Variants in PCDH15 observed in about 807,000 individuals in gnomAD.
The protein encoded by PCDH15 is protocadherin related 15.
A neutral mutation model predicts 178.5 loss-of-function variants in PCDH15; 129 were observed. The observed-to-expected ratio is 0.72, with a 90% CI of 0.63 to 0.84. PCDH15 has a LOEUF of 0.84. Ranked by LOEUF, PCDH15 falls within the 40% of genes least tolerant of loss-of-function variation. The pLI is 0.00. For missense variants in PCDH15, 2,230 were observed against 2,099.9 expected (o/e 1.06, Z -1.21); for synonymous variants, 800 against 732.0 (o/e 1.09, Z -1.50).
At chr10:55,331,539 T>C (rs1341451513) in intron 2 of PCDH15, among the ~76,000 whole-genome samples, 1 of 152,044 alleles carries the variant, frequency 6.6e-6, no homozygotes, top group Non-Finnish European at 1.5e-5. Context: ...TTGAGATTCC[T>C]GAGAGTTTAA....
At chr10:54,838,880 T>C (rs566122051) in intron 3 of PCDH15, among the ~76,000 whole-genome samples, 7 of 152,202 alleles carry the variant, frequency 4.6e-5, no homozygotes, top group South Asian at 2.1e-4. Context: ...GGAAACCTCA[T>C]AGGGACCAGA....
chr10:54,732,357 G>A (rs573803487), intron 1 of PCDH15, among the ~76,000 whole-genome samples: 13 of 151,038 alleles, frequency 8.6e-5, no homozygotes, highest in Non-Finnish European at 1.5e-4. Context: ...TATGAAAGAC[G>A]GGACATCACT....
chr10:55,104,797 T>C (rs1419690858), intron 2 of PCDH15, among the ~76,000 whole-genome samples: 1 of 152,222 alleles, frequency 6.6e-6, no homozygotes, highest in East Asian at 1.9e-4. Context: ...TAGCACTTTG[T>C]ATGGGTCCCA....
At chr10:55,169,936 T>C (rs1276201952) in intron 1 of PCDH15, among the ~76,000 whole-genome samples, 3 of 152,032 alleles carry the variant, frequency 2.0e-5, no homozygotes, top group African/African-American at 7.2e-5. Context: ...GACATAAAAT[T>C]CTATGAGTCA....
intron 2 of PCDH15, among the ~76,000 whole-genome samples, chr10:55,443,737 G>T (rs6481160): frequency 9.9e-5 from 15 of 152,090 alleles, no homozygotes; most frequent in African/African-American, 2.4e-4. Context: ...GATTCCTCAA[G>T]GATCTAGAAC....
chr10:54,626,146 T>A (rs1376887292), intron 2 of PCDH15, among the ~76,000 whole-genome samples: 1 of 152,110 alleles, frequency 6.6e-6, no homozygotes, highest in Non-Finnish European at 1.5e-5. Context: ...AAGAGGTGAT[T>A]TGGGTGCTGT....
At chr10:54,428,751 T>G (rs1286685759) in intron 3 of PCDH15, among the ~76,000 whole-genome samples, 1 of 152,210 alleles carries the variant, frequency 6.6e-6, no homozygotes. Flanking sequence ...GCAGCAGATT[T>G]TCAGTGGAAA....
At chr10:55,523,637 T>C (rs924910402) in intron 2 of PCDH15, among the ~76,000 whole-genome samples, 4 of 151,776 alleles carry the variant, frequency 2.6e-5, no homozygotes, top group Middle Eastern at 3.4e-3. Context: ...GAACAACTTG[T>C]TTCCTTTTTT....
At chr10:55,477,404 G>T (rs1049875727) in intron 2 of PCDH15, among the ~76,000 whole-genome samples, 18 of 151,838 alleles carry the variant, frequency 1.2e-4, no homozygotes, top group African/African-American at 4.1e-4. Context: ...TAAGGACAAG[G>T]ATTTGTGAAT....
intron 8 of PCDH15, among the ~76,000 whole-genome samples, chr10:54,265,329 T>C (rs2132374352): frequency 6.6e-6 from 1 of 152,128 alleles, no homozygotes; most frequent in Middle Eastern, 3.4e-3. Flanking sequence ...CCACAGACTC[T>C]ATACCACAGA....
At chr10:53,993,823 T>C (rs1385996583) in intron 21 of PCDH15, among the ~76,000 whole-genome samples, 1 of 152,158 alleles carries the variant, frequency 6.6e-6, no homozygotes, top group Non-Finnish European at 1.5e-5. Flanking sequence ...TATCAAAAGA[T>C]TGTTGGTGTT....
intron 2 of PCDH15, among the ~76,000 whole-genome samples, chr10:55,510,111 T>C (rs932310481): frequency 2.0e-5 from 3 of 152,000 alleles, no homozygotes; most frequent in Non-Finnish European, 4.4e-5. Flanking sequence ...CTGCTAGATA[T>C]GTGTTAAAAG....
chr10:55,176,685 G>A (rs1417003394), intron 1 of PCDH15, among the ~76,000 whole-genome samples: 1 of 152,066 alleles, frequency 6.6e-6, no homozygotes, highest in Non-Finnish European at 1.5e-5. Context: ...ATGACGTTGT[G>A]GTTCTAATTC....
chr10:54,583,512 G>A (rs1055998102), intron 2 of PCDH15, among the ~76,000 whole-genome samples: 3 of 151,994 alleles, frequency 2.0e-5, no homozygotes, highest in African/African-American at 7.2e-5. Flanking sequence ...GCTAGTAAGG[G>A]ATACCACAAT....
intron 21 of PCDH15, among the ~76,000 whole-genome samples, chr10:53,992,934 T>A (rs1414188810): frequency 6.6e-6 from 1 of 152,334 alleles, no homozygotes; most frequent in South Asian, 2.1e-4. Context: ...TATTCAACAA[T>A]AGTGCTCTCT....
chr10:54,510,979 T>A (rs990787893), intron 3 of PCDH15, among the ~76,000 whole-genome samples: 2 of 152,154 alleles, frequency 1.3e-5, no homozygotes, highest in African/African-American at 4.8e-5. Context: ...TGAGTTTGTA[T>A]CCACTTTCAG....
rs527859869 is a variant in PCDH15 at position 55,147,465 on chromosome 10, T to A, written c.-80+19111A>T. Among the ~76,000 whole-genome samples the A allele has an allele frequency of 2.6e-3, 371 of 140,418 alleles. 2 individuals are homozygous for A. Among genetic ancestry groups the A allele is most frequent in the African/African-American group, 8.7e-3 (334 of 38,238 alleles). 92.1% of individuals were successfully genotyped at this position (140,418 alleles called of 152,430 possible). A position where few individuals can be genotyped will look rare whatever the true frequency, so the allele number is the denominator to read the frequency against. ...CCTAATTTCAATTTTTAAAAAAAAT[T>A]TTTTTGGAATGAAAATATTTTGCAC... On this transcript the variant is annotated intron_variant, in intron 2 of 5. Coordinates refer to the PCDH15 transcript ENST00000458638.
At chr10:53,976,880 A>C (rs1300834607) in intron 21 of PCDH15, among the ~76,000 whole-genome samples, 1 of 151,600 alleles carries the variant, frequency 6.6e-6, no homozygotes, top group Non-Finnish European at 1.5e-5. Context: ...TTTTCTAAGG[A>C]CACCAACCAT....
At chr10:54,981,101 T>C (rs1310969367) in intron 2 of PCDH15, among the ~76,000 whole-genome samples, 13 of 152,084 alleles carry the variant, frequency 8.5e-5, no homozygotes, top group Admixed American at 7.9e-4. Flanking sequence ...GAAAAATATA[T>C]CTACATTTTG....
Sources: allele counts gnomAD v4.1 joint callset (sites outside exome capture counted in the v4.1 genomes callset), GRCh38; gene constraint gnomAD v4.1.1; transcripts MANE v1.5; gene names NCBI Gene and HGNC (gene_info 2026-07-23, HGNC 2026-07-21).